TMCO4: variants seen among roughly 807,000 people sequenced by gnomAD.
TMCO4 encodes the protein transmembrane and coiled-coil domain-containing protein 4.
Under a neutral mutation model 64.7 loss-of-function variants are expected in TMCO4, and 58 were observed. The observed-to-expected ratio is 0.90, with a 90% CI of 0.73 to 1.12. The LOEUF is 1.12. Ranked by LOEUF, TMCO4 falls within the 50% of genes most tolerant of loss-of-function variation. The pLI, the probability that TMCO4 is intolerant of heterozygous loss-of-function variation, is 0.00. For synonymous variants in TMCO4, 325 were observed against 346.1 expected, an observed-to-expected ratio of 0.94 and a Z score of 0.68; for missense variants, 780 against 825.9, an observed-to-expected ratio of 0.94 and a Z score of 0.68.
chr1:19,731,681 C>G (rs889108731), intron 13 of TMCO4, among the ~76,000 whole-genome samples: 4 of 152,198 alleles, frequency 2.6e-5, no homozygotes, highest in African/African-American at 9.6e-5. Flanking sequence ...TTTTTGTGAT[C>G]ACAAGTATGT....
rs541576048 is a variant in TMCO4, at chr1:19,745,731, A to G, written c.758-80T>C. ...TCAGGGTGGCTGTATGTTCTCACAC[A>G]TGCACACAGTGAGCACCATCTGTGT... is the stretch of plus-strand genomic sequence containing the variant. On this transcript the variant is annotated intron_variant, in intron 9 of 15. Transcript: ENST00000294543. The G allele has an allele frequency of 9.3e-6, 14 of 1,509,736 alleles. No individual in the cohort carries two copies. In the African/African-American group the frequency reaches 1.9e-4, roughly 21 times the overall value. The allele number at this position is 1,509,736 out of a possible 1,614,324, so 93.5% of individuals were successfully genotyped here.
At chr1:19,780,514 T>G in intron 4 of TMCO4, 66 bp downstream of exon 4, 1 of 1,514,518 alleles carries the variant, frequency 6.6e-7, no homozygotes, top group Non-Finnish European at 8.9e-7. Context: ...TGGCAGGCTG[T>G]TTGGCTGTCC....
intron 2 of TMCO4, 106 bp downstream of exon 2, chr1:19,798,031 A>C (rs2044422119): frequency 5.6e-6 from 1 of 179,786 alleles, no homozygotes; most frequent in Admixed American, 6.4e-5. Context: ...GAAAGAAGAA[A>C]ATGGGAAGCC....
intron 7 of TMCO4, among the ~76,000 whole-genome samples, chr1:19,747,878 T>C (rs186414575): frequency 1.3e-5 from 2 of 152,334 alleles, no homozygotes; most frequent in Admixed American, 6.5e-5. Context: ...AATTTTCCTA[T>C]TGGACATTCA....
chr1:19,746,352 C>T (rs1275698565), intron 9 of TMCO4, 104 bp downstream of exon 9: 1 of 1,511,808 alleles, frequency 6.6e-7, no homozygotes, highest in African/African-American at 1.4e-5. Context: ...TCTCCTCTGT[C>T]TCCCAGGGAG....
At chr1:19,710,860 T>C (rs753932629) in intron 13 of TMCO4, among the ~76,000 whole-genome samples, 2 of 152,230 alleles carry the variant, frequency 1.3e-5, no homozygotes, top group African/African-American at 4.8e-5. Context: ...TCCCGATGTA[T>C]AGACCCGGCC....
chr1:19,790,745 T>C (rs890523574), intron 2 of TMCO4, among the ~76,000 whole-genome samples: 3 of 152,210 alleles, frequency 2.0e-5, no homozygotes, highest in Non-Finnish European at 4.4e-5. Context: ...TCGAAGACGG[T>C]GTGGCGATTC....
chr1:19,706,180 T>C (rs11586963), intron 13 of TMCO4, among the ~76,000 whole-genome samples: 43,753 of 152,048 alleles, frequency 0.29, 6,589 homozygotes, highest in African/African-American at 0.37. Context: ...CTGGGATTTA[T>C]AAGAGTGAGC....
Position 19,755,629 on chromosome 1 carries a change from C to T in TMCO4, c.515+5G>A, listed in dbSNP as rs1226254702. 1 of 1,613,922 alleles carries T rather than the reference C, an allele frequency of 6.2e-7. No individual in the cohort carries two copies. Among genetic ancestry groups the T allele is most frequent in the South Asian group, 1.1e-5 (1 of 91,048 alleles). On this transcript the variant is annotated splice_donor_5th_base_variant and intron_variant, in intron 7 of 15. Coordinates refer to ENST00000294543, the MANE Select transcript of TMCO4 (RefSeq NM_181719.7). ...ATCCTGATGGGGGTCGCGGGGCTCT[C>T]TTACTCAGATTCCTCTTCTTTGATT...
chr1:19,752,512 G>A (rs574287949), intron 7 of TMCO4, among the ~76,000 whole-genome samples: 1 of 152,220 alleles, frequency 6.6e-6, no homozygotes, highest in South Asian at 2.1e-4. Flanking sequence ...CCCATAAGAG[G>A]GTGTTTTCTG....
intron 4 of TMCO4, among the ~76,000 whole-genome samples, chr1:19,772,725 G>C (rs924925388): frequency 6.6e-6 from 1 of 152,150 alleles, no homozygotes; most frequent in Non-Finnish European, 1.5e-5. Context: ...CCAACACTGG[G>C]TTCTGCCCTG....
At chr1:19,770,618 AGCGC>A (rs2042938262) in intron 5 of TMCO4, 49 bp from the exon 6 acceptor site, 1 of 1,581,196 alleles carries the variant, frequency 6.3e-7, no homozygotes, top group African/African-American at 1.4e-5. Context: ...TATACGATAC[AGCGC>A]GCTCATTTGA....
chr1:19,736,994 C>T (rs2095457743), intron 13 of TMCO4, among the ~76,000 whole-genome samples: 1 of 152,178 alleles, frequency 6.6e-6, no homozygotes, highest in Non-Finnish European at 1.5e-5. Flanking sequence ...CTAAGGACTG[C>T]TGGCAGCCAC....
At chr1:19,690,836 G>C (rs948552953) in intron 15 of TMCO4, among the ~76,000 whole-genome samples, 2 of 150,242 alleles carry the variant, frequency 1.3e-5, no homozygotes, top group African/African-American at 4.9e-5. Flanking sequence ...GAGGTTTACA[G>C]CATGTGAGCC....
chr1:19,743,454 A>G lies in TMCO4; in HGVS notation c.877+2078T>C, dbSNP rs1358099862. On this transcript the variant is annotated intron_variant, in intron 10 of 15. Coordinates refer to ENST00000294543, the MANE Select transcript of TMCO4 (RefSeq NM_181719.7). This position sits in a 1 kb window ranked among gnomAD's most constrained non-coding sequence, Gnocchi z 4.1. ...AGGCTTCTTTTCCTGGCTCTCGAGG[A>G]GGTAGGAATATGTGATATTTTTTCC... Among the ~76,000 whole-genome samples the G allele has an allele frequency of 6.6e-6, 1 of 152,136 alleles. No individual in the cohort carries two copies. Among genetic ancestry groups the G allele is most frequent in the Non-Finnish European group, 1.5e-5 (1 of 68,026 alleles).
Position 19,780,678 on chromosome 1 carries a change from G to C in TMCO4, c.81C>G (p.His27Gln), listed in dbSNP as rs747638378. Residue 27 changes from histidine (H) to glutamine (Q), a missense_variant, in exon 4 of 16, where the codon CAC becomes CAG. Transcript: ENST00000294543. ...CAGTCAGCTCCCGGCCCGTGGGCAG[G>C]TGTGGCTCCCCCTCTGCAGTGGGCT... ...VAEPTAEGEP[H>Q]LPTGRELTEA... is the part of the protein sequence containing the mutation. 20 of 1,614,024 alleles carry C rather than the reference G, an allele frequency of 1.2e-5. 1 individual carries two copies. In the South Asian group the frequency reaches 2.2e-4, roughly 18 times the overall value.
Position 19,715,964 on chromosome 1 carries a change from A to G in TMCO4, c.1265-15079T>C, listed in dbSNP as rs1413368460. Among the ~76,000 whole-genome samples, 3 of 151,894 alleles carry G rather than the reference A, an allele frequency of 2.0e-5. 1 individual carries two copies. Among genetic ancestry groups the G allele is most frequent in the African/African-American group, 7.3e-5 (3 of 41,344 alleles). On this transcript the variant is annotated intron_variant, in intron 13 of 15. Transcript: ENST00000294543. ...CCTGAGATGGAGCCATGAGTATGGG[A>G]CTCTGGGCTTAGCCCTGCCTGGAGG...
At position 19,682,670 on chromosome 1, in the gene TMCO4, C is replaced by G. The variant is rs1239464619; in HGVS notation, c.*370G>C. 3 of 717,476 alleles carry G rather than the reference C, an allele frequency of 4.2e-6. No homozygotes were observed. Among genetic ancestry groups the G allele is most frequent in the Non-Finnish European group, 7.8e-6 (3 of 385,104 alleles). The allele number at this position is 717,476 out of a possible 1,614,324, so 44.4% of individuals were successfully genotyped here. On this transcript the variant is annotated 3_prime_UTR_variant, in exon 16 of 16. Transcript: ENST00000294543. The stretch of plus-strand genomic sequence containing the variant: ...AGAGCTGGTGTGGGAGCCTCAGGCC[C>G]CAGAGAGCCCTCGGGACCTCCTGAT...
rs1570595838 is a variant in TMCO4, at chr1:19,683,209, G to A, written c.1736C>T (p.Pro579Leu). 6.2e-7 allele frequency: 1 copy of A among 1,614,218 alleles called. No individual in the cohort carries two copies. The highest frequency in any genetic ancestry group is 1.1e-5 in the South Asian group (1 of 91,086). ...DTSKLAMSTD[P>L]SQAQVPVGLD... ...CCCTACTGGCACCTGGGCTTGGCTGGGGTCTGTGGACATGGCCAATTTGGA... is the reference window on the plus strand; with the variant it reads ...CCCTACTGGCACCTGGGCTTGGCTGAGGTCTGTGGACATGGCCAATTTGGA... Residue 579 changes from proline (P) to leucine (L), a missense_variant, in exon 16 of 16, where the codon CCC (proline) becomes CTC (leucine). Coordinates refer to ENST00000294543, the MANE Select transcript of TMCO4 (RefSeq NM_181719.7).
Sources: allele counts gnomAD v4.1 joint callset (sites outside exome capture counted in the v4.1 genomes callset), GRCh38; gene constraint gnomAD v4.1.1; non-coding constraint Gnocchi (gnomAD v3.1); transcripts MANE v1.5; gene names NCBI Gene and HGNC (gene_info 2026-07-23, HGNC 2026-07-21).